Variants in MYO3A observed in about 807,000 individuals in gnomAD.
MYO3A encodes myosin IIIA, also known as myosin-IIIa.
A neutral mutation model predicts 192.7 loss-of-function variants in MYO3A; 180 were observed. The ratio of observed to expected loss-of-function variants is 0.93; its 90% CI spans 0.83 to 1.06. MYO3A has a LOEUF of 1.06. MYO3A is among the 50% of genes least tolerant of loss of function. MYO3A has a pLI of 0.00. For synonymous variants in MYO3A, 628 were observed against 645.3 expected (o/e 0.97, Z 0.41); for missense variants, 1,896 against 1,905.0 (o/e 1.00, Z 0.09).
chr10:26,160,332 A>C (rs1028808589), intron 26 of MYO3A, among the ~76,000 whole-genome samples: 1 of 152,196 alleles, frequency 6.6e-6, no homozygotes, highest in Non-Finnish European at 1.5e-5. Context: ...TGATATACAC[A>C]GTGTAAGAGT....
intron 14 of MYO3A, among the ~76,000 whole-genome samples, chr10:26,086,618 A>G (rs1369221002): frequency 2.6e-5 from 4 of 152,022 alleles, no homozygotes; most frequent in African/African-American, 9.7e-5. Flanking sequence ...AAGAGCCAGG[A>G]GAGACCTAAA....
intron 29 of MYO3A, among the ~76,000 whole-genome samples, chr10:26,171,121 A>G (rs1310559624): frequency 6.6e-6 from 1 of 152,194 alleles, no homozygotes; most frequent in Non-Finnish European, 1.5e-5. Context: ...TAACTCTGCT[A>G]TAAAAATAGG....
intron 14 of MYO3A, among the ~76,000 whole-genome samples, chr10:26,072,985 A>G (rs1835302970): frequency 6.6e-6 from 1 of 152,206 alleles, no homozygotes; most frequent in Non-Finnish European, 1.5e-5. Context: ...GTGAAATATT[A>G]CTCAGCAATA....
intron 17 of MYO3A, among the ~76,000 whole-genome samples, chr10:26,112,849 A>G (rs567994229): frequency 7.4e-4 from 112 of 152,342 alleles, no homozygotes; most frequent in African/African-American, 2.5e-3. Context: ...TTTTAAAATA[A>G]ATGATTGGTA....
chr10:26,205,478 T>TGG (rs1564645896), intron 34 of MYO3A, among the ~76,000 whole-genome samples: 2 of 129,246 alleles, frequency 1.5e-5, no homozygotes, highest in African/African-American at 7.7e-5. Flanking sequence ...TTTTTTTTTT[T>TGG]TGGGGGGGGG....
At chr10:26,184,088 G>C (rs893592389) in intron 31 of MYO3A, among the ~76,000 whole-genome samples, 3 of 152,154 alleles carry the variant, frequency 2.0e-5, no homozygotes, top group Non-Finnish European at 4.4e-5. Context: ...CATGTCCGTC[G>C]GTGCTAAAGG....
intron 33 of MYO3A, 105 bp downstream of exon 33, chr10:26,201,410 G>A (rs1177257932): frequency 2.4e-5 from 19 of 777,014 alleles, no homozygotes; most frequent in Non-Finnish European, 3.4e-5. Context: ...GCCAGGCGCG[G>A]TGGCTCACGC....
intron 31 of MYO3A, among the ~76,000 whole-genome samples, chr10:26,185,329 C>CT (rs61581382): frequency 0.039 from 2,486 of 63,938 alleles, 543 homozygotes; most frequent in Non-Finnish European, 0.055. Flanking sequence ...TTCCAGGATT[C>CT]TTTTTTTTTT....
At chr10:26,136,387 A>G (rs911114428) in intron 20 of MYO3A, among the ~76,000 whole-genome samples, 1 of 152,238 alleles carries the variant, frequency 6.6e-6, no homozygotes, top group Non-Finnish European at 1.5e-5. Context: ...AGGCTATGAC[A>G]TTGTTCCCCA....
chr10:26,136,933 G>A (rs1208061650), intron 20 of MYO3A, among the ~76,000 whole-genome samples: 1 of 152,058 alleles, frequency 6.6e-6, no homozygotes, highest in Non-Finnish European at 1.5e-5. Context: ...CATGAGAATT[G>A]CTTGAACCCA....
chr10:26,011,550 A>G (rs1841661465), intron 6 of MYO3A, among the ~76,000 whole-genome samples: 1 of 152,192 alleles, frequency 6.6e-6, no homozygotes, highest in Non-Finnish European at 1.5e-5. Flanking sequence ...TAAGCATACA[A>G]CCCTCCTAGA....
intron 15 of MYO3A, among the ~76,000 whole-genome samples, chr10:26,093,242 A>G (rs939779859): frequency 2.0e-5 from 3 of 152,226 alleles, no homozygotes; most frequent in African/African-American, 4.8e-5. Context: ...TAATGTTAAC[A>G]ATCACATTGT....
intron 14 of MYO3A, among the ~76,000 whole-genome samples, chr10:26,080,590 T>TGG (rs372309863): frequency 2.6e-4 from 14 of 53,422 alleles, no homozygotes; most frequent in Admixed American, 5.0e-4. Context: ...GTAATTTTTT[T>TGG]GGGGGGAGGC....
intron 14 of MYO3A, among the ~76,000 whole-genome samples, chr10:26,080,538 T>G (rs1168334840): frequency 8.3e-5 from 8 of 96,712 alleles, no homozygotes; most frequent in Non-Finnish European, 1.2e-4. Flanking sequence ...AAATCTGGGT[T>G]TTTTTTTTTT....
At chr10:26,176,349 A>C (rs2132051506) in intron 30 of MYO3A, among the ~76,000 whole-genome samples, 2 of 152,294 alleles carry the variant, frequency 1.3e-5, no homozygotes, top group East Asian at 3.9e-4. Flanking sequence ...AATCAAAGGC[A>C]GCAGAGGGGT....
At chr10:26,039,302 C>G (rs145093073) in intron 10 of MYO3A, among the ~76,000 whole-genome samples, 1 of 149,248 alleles carries the variant, frequency 6.7e-6, no homozygotes, top group Admixed American at 6.8e-5. Context: ...TCAGGTCATC[C>G]GCCTGTCTCG....
chr10:26,002,725 T>A (rs1049657125), intron 6 of MYO3A, among the ~76,000 whole-genome samples: 2 of 151,152 alleles, frequency 1.3e-5, no homozygotes, highest in African/African-American at 2.5e-5. Context: ...TGAAAAAGGT[T>A]GCTTTATGAG....
intron 15 of MYO3A, among the ~76,000 whole-genome samples, chr10:26,092,758 A>G (rs1168895307): frequency 6.6e-6 from 1 of 152,186 alleles, no homozygotes; most frequent in Non-Finnish European, 1.5e-5. Flanking sequence ...AAGAGAAATT[A>G]TATTTGGTAA....
At chr10:26,202,402 GAA>G (rs1275704283) in intron 33 of MYO3A, among the ~76,000 whole-genome samples, 2 of 152,206 alleles carry the variant, frequency 1.3e-5, no homozygotes, top group African/African-American at 4.8e-5. Context: ...GTAGAACCAA[GAA>G]TTAACATGGG....
Sources: allele counts gnomAD v4.1 joint callset (sites outside exome capture counted in the v4.1 genomes callset), GRCh38; gene constraint gnomAD v4.1.1; transcripts MANE v1.5; gene names NCBI Gene and HGNC (gene_info 2026-07-23, HGNC 2026-07-21).